FAM98C: variants seen among roughly 807,000 people sequenced by gnomAD.
FAM98C encodes tRNA splicing ligase complex subunit 3C, also known as protein FAM98C.
In FAM98C, 38 loss-of-function variants were observed where a neutral mutation model predicts 41.1. That is an observed-to-expected ratio of 0.92 (90% CI 0.71 to 1.21). FAM98C has a LOEUF of 1.21. Ranked by LOEUF, FAM98C falls within the 50% of genes most tolerant of loss-of-function variation. The pLI is 0.00. For missense variants in FAM98C, 493 were observed against 484.7 expected (o/e 1.02, Z -0.16); for synonymous variants, 195 against 216.7 (o/e 0.90, Z 0.88).
At chr19:38,405,444 G>A in intron 5 of FAM98C, 23 bp downstream of exon 5, 1 of 1,614,118 alleles carries the variant, frequency 6.2e-7, no homozygotes, top group South Asian at 1.1e-5. Flanking sequence ...GCGACTGACT[G>A]AATGTGAACT....
chr19:38,405,721 T>A (rs1193999377), intron 6 of FAM98C, 86 bp downstream of exon 6: 6 of 1,287,066 alleles, frequency 4.7e-6, no homozygotes, highest in Non-Finnish European at 5.6e-6. Context: ...GGGCCAGGAG[T>A]ATCACCCTCT....
In FAM98C at chr19:38,403,397, T is replaced by TG; in HGVS notation, c.126dup (p.Cys43ValfsTer98). The TG allele has an allele frequency of 6.9e-7, 1 of 1,453,674 alleles. No homozygotes were observed. The highest frequency in any genetic ancestry group is 9.0e-7 in the Non-Finnish European group (1 of 1,115,552). The allele number at this position is 1,453,674 out of a possible 1,614,324, so 90.0% of individuals were successfully genotyped here. A position where few individuals can be genotyped will look rare whatever the true frequency, so the allele number is the denominator to read the frequency against. On this transcript the variant is annotated frameshift_variant, in exon 2 of 8. Transcript: ENST00000252530. LOFTEE classifies it high-confidence loss of function. Reference sequence around the variant, plus strand: ...GCCTCATGCCCAGACTTCAGGGGGCTGTGCGTGCGGCTGGCGGCGGAGCTG... The same window carrying TG: ...GCCTCATGCCCAGACTTCAGGGGGCTGGTGCGTGCGGCTGGCGGCGGAGCTG...
intron 3 of FAM98C, among the ~76,000 whole-genome samples, chr19:38,404,426 C>T (rs1377891981): frequency 6.6e-6 from 1 of 152,072 alleles, no homozygotes; most frequent in Non-Finnish European, 1.5e-5. Context: ...GTCTTCAACT[C>T]CTGGCTTCAA....
intron 3 of FAM98C, among the ~76,000 whole-genome samples, chr19:38,404,019 G>A (rs1971004729): frequency 6.6e-6 from 1 of 152,112 alleles, no homozygotes; most frequent in Admixed American, 6.5e-5. Context: ...TCTTGCCTCA[G>A]CCTCCCGAGT....
At position 38,405,619 on chromosome 19, in the gene FAM98C, G is replaced by A. The variant is rs1272369318; in HGVS notation, c.734G>A (p.Trp245Ter). ...RLDLTTSAFH[W>*]SDRAEAQGEA... The stretch of plus-strand genomic sequence containing the variant: ...GACCTCACTACATCTGCTTTCCACT[G>A]GAGTGACCGGGCAGAGGTGTGGTGG... Residue 245 changes from tryptophan (W) to a stop codon, truncating the protein, a stop_gained, in exon 6 of 8, where the codon TGG (tryptophan) becomes TAG (stop). Transcript: ENST00000252530. LOFTEE classifies it high-confidence loss of function. 6.2e-7 allele frequency: 1 copy of A among 1,614,168 alleles called. No individual in the cohort carries two copies. Among genetic ancestry groups the A allele is most frequent in the Admixed American group, 1.7e-5 (1 of 60,020 alleles).
rs770799996 is a variant in FAM98C, at chr19:38,408,757, A to G, written c.925A>G (p.Met309Val). 4 of 1,614,004 alleles carry G rather than the reference A, an allele frequency of 2.5e-6. No individual in the cohort carries two copies. In the South Asian group the frequency reaches 4.4e-5, roughly 18 times the overall value. Reference protein sequence around the residue: ...GTCCAINKVLMGNVPDRGGRP... With the variant: ...GTCCAINKVLVGNVPDRGGRP... ...AAATCTCATAAACTCTCAGGTGCTT[A>G]TGGGCAACGTTCCAGACCGGGGGGG... is the stretch of plus-strand genomic sequence containing the variant. The change falls in exon 8 of 8, where the codon ATG becomes GTG. Residue 309 changes from methionine (M) to valine (V), a missense_variant. Coordinates refer to ENST00000252530, the MANE Select transcript of FAM98C (RefSeq NM_174905.4).
intron 6 of FAM98C, chr19:38,406,654 C>T: frequency 5.0e-6 from 2 of 397,230 alleles, no homozygotes; most frequent in Non-Finnish European, 9.1e-6. Flanking sequence ...CATGGTGGCG[C>T]ATGCTTGTCC....
At chr19:38,405,139 C>T in intron 4 of FAM98C, 26 bp downstream of exon 4, 2 of 1,590,870 alleles carry the variant, frequency 1.3e-6, no homozygotes, top group Non-Finnish European at 1.7e-6. Flanking sequence ...CCCCTCCCGA[C>T]CTGGGCTACC....
chr19:38,405,862 T>TC, intron 6 of FAM98C: 1 of 400,278 alleles, frequency 2.5e-6, no homozygotes, highest in Admixed American at 4.0e-5. Context: ...CCCCATCATT[T>TC]TTTTTTTTTT....
At chr19:38,404,887 G>C in intron 3 of FAM98C, 21 bp from the exon 4 acceptor site, 2 of 1,613,774 alleles carry the variant, frequency 1.2e-6, no homozygotes, top group Non-Finnish European at 8.5e-7. Context: ...TGAGTGCACA[G>C]CACCCATTTA....
rs780005583 is a variant in FAM98C at position 38,406,971 on chromosome 19, C to T, written c.812C>T (p.Ser271Leu). The T allele has an allele frequency of 1.1e-5, 18 of 1,614,026 alleles. No individual in the cohort carries two copies. The East Asian group carries it at 3.1e-4, about 28-fold the overall frequency. Residue 271 changes from serine to leucine, a missense_variant, in exon 7 of 8, where the codon TCG (serine) becomes TTG (leucine). Coordinates refer to ENST00000252530, the MANE Select transcript of FAM98C (RefSeq NM_174905.4). ...ATTCGAGAGGTTCTGACCCCAGAAT[C>T]GGACATCTCCATTGCACACGTTCTG... ...IPIREVLTPESDISIAHVLAA... is the reference protein window; with the variant it reads ...IPIREVLTPELDISIAHVLAA...
chr19:38,407,301 T>A (rs77599951), intron 7 of FAM98C: 21 of 528,084 alleles, frequency 4.0e-5, no homozygotes, highest in East Asian at 3.2e-4. Flanking sequence ...ATTTACTGAG[T>A]CCCTGGCTAC....
rs1971023858 is a variant in FAM98C at position 38,405,353 on chromosome 19, C to G, written c.565C>G (p.Leu189Val). 3 of 1,613,832 alleles carry G rather than the reference C, an allele frequency of 1.9e-6. No individual in the cohort carries two copies. Among genetic ancestry groups the G allele is most frequent in the Non-Finnish European group, 2.5e-6 (3 of 1,180,004 alleles). The change falls in exon 5 of 8, where the codon CTG becomes GTG. Residue 189 changes from leucine (L) to valine (V), a missense_variant. Transcript: ENST00000252530. ...LQELHAKISELQPSLPPGSLQ... is the reference protein window; with the variant it reads ...LQELHAKISEVQPSLPPGSLQ... ...CTTCTTCTCCCATCAGATCTCAGAG[C>G]TGCAGCCTTCTCTGCCCCCAGGGTC...
chr19:38,403,901 TTA>T (rs1222814033), intron 3 of FAM98C, among the ~76,000 whole-genome samples: 2 of 152,028 alleles, frequency 1.3e-5, no homozygotes, highest in African/African-American at 4.8e-5. Context: ...TTTATTTATT[TTA>T]TTATTATTAT....
intron 2 of FAM98C, 29 bp from the exon 3 acceptor site, chr19:38,403,531 A>C: frequency 6.9e-7 from 1 of 1,455,038 alleles, no homozygotes; most frequent in Non-Finnish European, 9.0e-7. Context: ...CCACGGGGCC[A>C]CCGAGCCCTG....
chr19:38,408,673 A>G lies in FAM98C; in HGVS notation c.919-78A>G, dbSNP rs529078924. On this transcript the variant is annotated intron_variant, in intron 7 of 7. Coordinates refer to ENST00000252530, the MANE Select transcript of FAM98C (RefSeq NM_174905.4). ...CATCTGCTGTTTCTTCTTCAGCCTC[A>G]TGCTGTTCCCTTCGCTCTCTGGCCC... is the stretch of plus-strand genomic sequence containing the variant. 5 of 1,593,828 alleles carry G rather than the reference A, an allele frequency of 3.1e-6. No individual in the cohort carries two copies. In the East Asian group the frequency reaches 6.7e-5, roughly 21 times the overall value.
At position 38,407,051 on chromosome 19, in the gene FAM98C, A is replaced by C. The variant is rs1600530274; in HGVS notation, c.892A>C (p.Arg298=). The change falls in exon 7 of 8, where the codon AGA becomes CGA. Residue 298 remains arginine (R), a synonymous_variant. Transcript: ENST00000252530. ...LVPATSVAVR[R]GTCCAINKVL... ...CCCAGCCACCAGCGTGGCTGTCCGC[A>C]GAGGGACCTGCTGTGCCATCAACAA... The C allele has an allele frequency of 6.2e-7, 1 of 1,614,066 alleles. No individual in the cohort carries two copies. Among genetic ancestry groups the C allele is most frequent in the Non-Finnish European group, 8.5e-7 (1 of 1,180,020 alleles).
Position 38,406,956 on chromosome 19 carries a change from T to C in FAM98C, c.797T>C (p.Val266Ala), listed in dbSNP as rs369314567. The change falls in exon 7 of 8, where the codon GTT becomes GCT. Residue 266 changes from valine to alanine, a missense_variant. Val to Ala is a moderately conservative substitution (Grantham distance 64, BLOSUM62 0). Transcript: ENST00000252530. Reference sequence around the variant, plus strand: ...GCAGTGCTGATCCCAATTCGAGAGGTTCTGACCCCAGAATCGGACATCTCC... The same window carrying C: ...GCAGTGCTGATCCCAATTCGAGAGGCTCTGACCCCAGAATCGGACATCTCC... ...MRAVLIPIRE[V>A]LTPESDISIA... The C allele has an allele frequency of 2.5e-6, 4 of 1,613,948 alleles. No individual in the cohort carries two copies. In the African/African-American group the frequency reaches 5.3e-5, roughly 22 times the overall value.
chr19:38,404,194 G>A (rs1249081931), intron 3 of FAM98C, among the ~76,000 whole-genome samples: 2 of 151,792 alleles, frequency 1.3e-5, no homozygotes, highest in South Asian at 2.1e-4. Flanking sequence ...CGCCCGGCCC[G>A]GGGTTAGAAT....
Sources: gnomAD v4.1 joint callset for allele counts (sites outside exome capture counted in the v4.1 genomes callset) on GRCh38, gnomAD v4.1.1 for gene constraint, MANE v1.5 for transcripts, NCBI Gene and HGNC (gene_info 2026-07-23, HGNC 2026-07-21) for gene names.